The following GRAP2 variants were observed in gnomAD, a reference collection of about 807,000 sequenced individuals.
GRAP2 encodes GRB2-related adapter protein 2.
GRAP2 carries 31 observed loss-of-function variants against 43.5 expected under a neutral mutation model. That is an observed-to-expected ratio of 0.71 (90% CI 0.54 to 0.96). GRAP2 has a LOEUF of 0.96. Ranked by LOEUF, GRAP2 falls within the 40% of genes least tolerant of loss-of-function variation. The pLI, the probability that GRAP2 is intolerant of heterozygous loss-of-function variation, is 0.00. For synonymous variants in GRAP2, 156 were observed against 164.8 expected (o/e 0.95, Z 0.41); for missense variants, 371 against 424.4 (o/e 0.87, Z 1.11).
chr22:39,948,602 C>G (rs1269569542), intron 2 of GRAP2: 1 of 152,136 alleles, frequency 6.6e-6, no homozygotes, highest in Non-Finnish European at 1.5e-5. Context: ...GTTGCTAATA[C>G]TGGGAAGAAT....
At chr22:39,950,856 C>T (rs565770791) in intron 2 of GRAP2, among the ~76,000 whole-genome samples, 3 of 152,238 alleles carry the variant, frequency 2.0e-5, no homozygotes, top group Non-Finnish European at 4.4e-5. Context: ...GTCTGCCCCC[C>T]ACCTTCCTCA....
At chr22:39,921,578 C>A (rs1031757907) in intron 1 of GRAP2, among the ~76,000 whole-genome samples, 6 of 152,152 alleles carry the variant, frequency 3.9e-5, no homozygotes, top group Non-Finnish European at 5.9e-5. Context: ...GGAGTACAAT[C>A]TTTTATTAAA....
At chr22:39,942,030 G>A (rs994187556) in intron 1 of GRAP2, among the ~76,000 whole-genome samples, 13 of 152,242 alleles carry the variant, frequency 8.5e-5, no homozygotes, top group African/African-American at 2.9e-4. Context: ...TAAATTAAAA[G>A]GTAGTTATTT....
chr22:39,926,796 A>C, intron 1 of GRAP2: 2 of 984,942 alleles, frequency 2.0e-6, no homozygotes, highest in Non-Finnish European at 2.4e-6. Flanking sequence ...TCGCCCAAAC[A>C]ATTCTGGAAC....
At chr22:39,961,200 T>C (rs1314879523) in intron 4 of GRAP2, among the ~76,000 whole-genome samples, 2 of 152,118 alleles carry the variant, frequency 1.3e-5, no homozygotes, top group African/African-American at 4.8e-5. Context: ...GTAATCCTCC[T>C]GCCTTGGCCT....
chr22:39,912,360 A>G (rs966805931), intron 1 of GRAP2, among the ~76,000 whole-genome samples: 20 of 152,174 alleles, frequency 1.3e-4, no homozygotes, highest in Admixed American at 1.3e-3. Flanking sequence ...TGAAGTTGTA[A>G]TGAGATATGA....
chr22:39,951,172 C>T (rs2066978371), intron 2 of GRAP2, among the ~76,000 whole-genome samples: 1 of 152,186 alleles, frequency 6.6e-6, no homozygotes, highest in Non-Finnish European at 1.5e-5. Context: ...GAAAACGCTG[C>T]CAAATGACTT....
At chr22:39,951,747 G>A (rs559417918) in intron 2 of GRAP2, among the ~76,000 whole-genome samples, 2 of 152,158 alleles carry the variant, frequency 1.3e-5, no homozygotes, top group South Asian at 2.1e-4. Flanking sequence ...GGCCCACAAC[G>A]GCAGGAGGAA....
chr22:39,948,426 T>G (rs1441693093), intron 2 of GRAP2: 1 of 151,972 alleles, frequency 6.6e-6, no homozygotes, highest in African/African-American at 2.4e-5. Flanking sequence ...TGTCATCCAC[T>G]GGAGACCATC....
At chr22:39,897,669 G>A (rs987858495), upstream of GRAP2, among the ~76,000 whole-genome samples, 41 of 152,022 alleles carry the variant, frequency 2.7e-4, no homozygotes, top group African/African-American at 7.0e-4. Flanking sequence ...ACAGGCATGC[G>A]CCACCATGCC....
At chr22:39,964,228 A>G (rs2067147414) in intron 4 of GRAP2, 5 of 580,030 alleles carry the variant, frequency 8.6e-6, no homozygotes, top group Non-Finnish European at 1.5e-5. Context: ...GGCTCAGCCC[A>G]CCCTTCCTAG....
intron 1 of GRAP2, chr22:39,926,797 A>G (rs2066705996): frequency 1.0e-6 from 1 of 985,022 alleles, no homozygotes; most frequent in South Asian, 4.7e-5. Context: ...CGCCCAAACA[A>G]TTCTGGAACC....
At chr22:39,898,016 A>G (rs1201048287), upstream of GRAP2, among the ~76,000 whole-genome samples, 1 of 152,206 alleles carries the variant, frequency 6.6e-6, no homozygotes, top group Non-Finnish European at 1.5e-5. Flanking sequence ...ACAAGGCCCT[A>G]CATGTTCTGC....
intron 1 of GRAP2, among the ~76,000 whole-genome samples, chr22:39,922,179 G>A (rs2066658631): frequency 6.6e-6 from 1 of 152,176 alleles, no homozygotes; most frequent in Non-Finnish European, 1.5e-5. Flanking sequence ...TACAGCTTGA[G>A]AGAGAAGACA....
At chr22:39,918,836 G>A (rs1236397083) in intron 1 of GRAP2, among the ~76,000 whole-genome samples, 4 of 152,174 alleles carry the variant, frequency 2.6e-5, no homozygotes, top group Non-Finnish European at 5.9e-5. Context: ...TATGCACAAA[G>A]TCTGAGAGGT....
At chr22:39,896,310 A>G (rs941917793), upstream of GRAP2, among the ~76,000 whole-genome samples, 1 of 152,204 alleles carries the variant, frequency 6.6e-6, no homozygotes, top group African/African-American at 2.4e-5. Context: ...TTTACATGTA[A>G]TGTTAAAGTG....
At chr22:39,906,683 C>T (rs985959867) in intron 1 of GRAP2, among the ~76,000 whole-genome samples, 4 of 152,110 alleles carry the variant, frequency 2.6e-5, no homozygotes, top group Non-Finnish European at 5.9e-5. Flanking sequence ...AATACTTCTT[C>T]GTTTGTTTTT....
At chr22:39,970,717 T>C (rs2145686983) in intron 7 of GRAP2, among the ~76,000 whole-genome samples, 188 bp from the exon 8 acceptor site, 1 of 152,238 alleles carries the variant, frequency 6.6e-6, no homozygotes, top group South Asian at 2.1e-4. Flanking sequence ...GGCCAAGGGT[T>C]CAAAACCAGC....
intron 1 of GRAP2, among the ~76,000 whole-genome samples, chr22:39,926,294 T>C (rs529202590): frequency 6.6e-6 from 1 of 152,280 alleles, no homozygotes; most frequent in South Asian, 2.1e-4. Context: ...AATGAGCCTA[T>C]CCTCTCAAGC....
Sources: allele counts gnomAD v4.1 joint callset (sites outside exome capture counted in the v4.1 genomes callset), GRCh38; gene constraint gnomAD v4.1.1; transcripts MANE v1.5; gene names NCBI Gene and HGNC (gene_info 2026-07-23, HGNC 2026-07-21).